HDX: variants seen among roughly 807,000 people sequenced by gnomAD.
The protein encoded by HDX is chromosome X open reading frame 43.
Under a neutral mutation model 45.2 loss-of-function variants are expected in HDX, and 19 were observed. The observed-to-expected ratio is 0.42, with a 90% CI of 0.29 to 0.62. The LOEUF is 0.62. Ranked by LOEUF, HDX falls within the 20% of genes least tolerant of loss-of-function variation. The pLI is 0.20. For missense variants in HDX, 532 were observed against 493.9 expected, an observed-to-expected ratio of 1.08 and a Z score of -0.73; for synonymous variants, 188 against 172.8, an observed-to-expected ratio of 1.09 and a Z score of -0.69.
intron 5 of HDX, among the ~76,000 whole-genome samples, chrX:84,366,705 C>A (rs1052568501): frequency 9.0e-6 from 1 of 111,294 alleles, no homozygotes; most frequent in African/African-American, 3.3e-5. Context: ...TGATCTTTGA[C>A]AAACTTGACA....
intron 4 of HDX, among the ~76,000 whole-genome samples, chrX:84,446,046 A>G (rs952793932): frequency 1.3e-4 from 15 of 111,752 alleles, no homozygotes; most frequent in African/African-American, 4.5e-4. Flanking sequence ...CAGATGTAAC[A>G]TTACAAACCA....
At chrX:84,497,048 G>A (rs933219355) in intron 1 of HDX, among the ~76,000 whole-genome samples, 2 of 111,562 alleles carry the variant, frequency 1.8e-5, no homozygotes, top group African/African-American at 3.3e-5. Flanking sequence ...GTGTTTGGCA[G>A]TTCCCACCTC....
intron 6 of HDX, among the ~76,000 whole-genome samples, chrX:84,360,836 T>C (rs1474979707): frequency 8.9e-6 from 1 of 112,041 alleles, no homozygotes; most frequent in Non-Finnish European, 1.9e-5. Flanking sequence ...GTTTGGGTTG[T>C]TTCCATTTGG....
intron 5 of HDX, among the ~76,000 whole-genome samples, chrX:84,387,788 T>C (rs1474009814): frequency 2.7e-5 from 3 of 111,829 alleles, no homozygotes; most frequent in Non-Finnish European, 3.8e-5. Flanking sequence ...TCTGTATCTT[T>C]TAAGTGGGGG....
chrX:84,394,090 A>G (rs1224048366), intron 5 of HDX, among the ~76,000 whole-genome samples: 1 of 109,839 alleles, frequency 9.1e-6, no homozygotes, highest in Admixed American at 9.8e-5. Context: ...TGATTGGATT[A>G]TTTATTTGAA....
At chrX:84,450,519 A>G (rs1248485977) in intron 4 of HDX, among the ~76,000 whole-genome samples, 1 of 111,912 alleles carries the variant, frequency 8.9e-6, no homozygotes, top group African/African-American at 3.2e-5. Context: ...TATGCCCCCA[A>G]CACCAGTGCA....
intron 5 of HDX, among the ~76,000 whole-genome samples, chrX:84,403,692 T>C (rs765297686): frequency 3.3e-4 from 37 of 112,034 alleles, no homozygotes; most frequent in Non-Finnish European, 6.4e-4. Context: ...TTCAGGCAAA[T>C]AGTGAACCTT....
At chrX:84,339,239 A>C (rs1246214416) in intron 7 of HDX, among the ~76,000 whole-genome samples, 1 of 111,286 alleles carries the variant, frequency 9.0e-6, no homozygotes, top group Admixed American at 9.6e-5. Flanking sequence ...GCCTTTACCT[A>C]CTCATTATTT....
At chrX:84,384,545 G>GTTTTTTTTTTTTT (rs60863385) in intron 5 of HDX, among the ~76,000 whole-genome samples, 1 of 93,347 alleles carries the variant, frequency 1.1e-5, no homozygotes, top group African/African-American at 3.8e-5. Flanking sequence ...CACTTGTCAA[G>GTTTTTTTTTTTTT]TTTTTTTTTT....
intron 5 of HDX, among the ~76,000 whole-genome samples, chrX:84,417,210 AAAAAAGAGAGAAAG>A (rs2039127997): frequency 1.2e-5 from 1 of 83,350 alleles, no homozygotes; most frequent in African/African-American, 4.4e-5. Flanking sequence ...GAAGAAAGAA[AAAAAAGAGAGAAAG>A]AAAGAAAGAA....
intron 4 of HDX, among the ~76,000 whole-genome samples, chrX:84,454,244 A>G (rs899327902): frequency 1.1e-4 from 12 of 111,649 alleles, no homozygotes; most frequent in Non-Finnish European, 3.8e-5. Context: ...GCTCAGCCAC[A>G]GTGGAGATAG....
At chrX:84,453,874 G>A (rs2040058227) in intron 4 of HDX, among the ~76,000 whole-genome samples, 1 of 111,985 alleles carries the variant, frequency 8.9e-6, no homozygotes, top group Non-Finnish European at 1.9e-5. Flanking sequence ...TTGCAACTTT[G>A]ATAACAGCTC....
chrX:84,345,723 A>G (rs2037187516), intron 6 of HDX, among the ~76,000 whole-genome samples: 1 of 111,620 alleles, frequency 9.0e-6, no homozygotes, highest in Non-Finnish European at 1.9e-5. Flanking sequence ...TTTCCAGAGA[A>G]ACTGGGCCAT....
In HDX at chrX:84,476,702, C is replaced by T. The variant is rs184352405; in HGVS notation, c.1-1305G>A. On this transcript the variant is annotated intron_variant, in intron 2 of 10. Transcript: ENST00000373177. ...GTATGGAAATAACCAAGTACATTGA[C>T]ACGGAAATAACTTATCTTTCTCTGA... Among the ~76,000 whole-genome samples, 338 of 111,331 alleles carry T rather than the reference C, an allele frequency of 3.0e-3. 1 individual carries two copies. The highest frequency in any genetic ancestry group is 0.011 in the African/African-American group (324 of 30,611).
chrX:84,483,776 C>T (rs2040736470), intron 2 of HDX, among the ~76,000 whole-genome samples: 1 of 112,196 alleles, frequency 8.9e-6, no homozygotes, highest in South Asian at 3.7e-4. Flanking sequence ...TGTAAATTTT[C>T]CAAACTTTTA....
chrX:84,381,442 A>G (rs1055731636), intron 5 of HDX, among the ~76,000 whole-genome samples: 1 of 111,106 alleles, frequency 9.0e-6, no homozygotes. Context: ...TCTGCCTTCA[A>G]ATTATACTAC....
At chrX:84,336,545 A>G (rs919120945) in intron 8 of HDX, among the ~76,000 whole-genome samples, 1 of 111,551 alleles carries the variant, frequency 9.0e-6, no homozygotes, top group Non-Finnish European at 1.9e-5. Context: ...TTATATGTAA[A>G]ATATCATATA....
intron 4 of HDX, among the ~76,000 whole-genome samples, chrX:84,445,729 GAA>G (rs2148073118): frequency 9.0e-6 from 1 of 111,367 alleles, no homozygotes; most frequent in South Asian, 3.7e-4. Flanking sequence ...AAAGTCTTCA[GAA>G]AAGTTTTCAG....
chrX:84,347,183 C>T (rs1275500695), intron 6 of HDX, among the ~76,000 whole-genome samples: 1 of 109,017 alleles, frequency 9.2e-6, no homozygotes, highest in East Asian at 2.9e-4. Context: ...TTTATTTTGT[C>T]GTCTTTTTCT....
Sources: allele counts gnomAD v4.1 joint callset (sites outside exome capture counted in the v4.1 genomes callset), GRCh38; gene constraint gnomAD v4.1.1; transcripts MANE v1.5; gene names NCBI Gene and HGNC (gene_info 2026-07-23, HGNC 2026-07-21).